The following PTPRD variants were observed in gnomAD, a reference collection of about 807,000 sequenced individuals.
PTPRD encodes the protein receptor-type tyrosine-protein phosphatase delta.
PTPRD carries 34 observed loss-of-function variants against 214.5 expected under a neutral mutation model. That is an observed-to-expected ratio of 0.16 (90% CI 0.12 to 0.21). PTPRD has a LOEUF of 0.21. Ranked by LOEUF, PTPRD falls within the 10% of genes least tolerant of loss-of-function variation. The pLI is 1.00. For missense variants in PTPRD, 2,545 were observed against 2,398.7 expected (o/e 1.06, Z -1.27); for synonymous variants, 1,128 against 845.7 (o/e 1.33, Z -5.79).
intron 14 of PTPRD, among the ~76,000 whole-genome samples, chr9:8,566,677 A>G (rs2089354307): frequency 6.6e-6 from 1 of 152,212 alleles, no homozygotes; most frequent in Non-Finnish European, 1.5e-5. Flanking sequence ...TGAGACTGAA[A>G]TACGTTAGAC....
intron 2 of PTPRD, among the ~76,000 whole-genome samples, chr9:10,462,473 C>T (rs1588711769): frequency 2.0e-5 from 3 of 152,074 alleles, no homozygotes; most frequent in Admixed American, 2.0e-4. Flanking sequence ...AGAAGCAGTA[C>T]CGGATTTAGC....
At chr9:9,750,334 A>G (rs1392854570) in intron 6 of PTPRD, among the ~76,000 whole-genome samples, 2 of 152,202 alleles carry the variant, frequency 1.3e-5, no homozygotes, top group Admixed American at 1.3e-4. Flanking sequence ...CCAAAAAAAA[A>G]GAGCTGGAAA....
At position 8,521,308 on chromosome 9, in the gene PTPRD, G is replaced by T. The variant is rs759230179; in HGVS notation, c.930C>A (p.Val310=). The change falls in exon 20 of 46, where the codon GTC becomes GTA. Residue 310 remains valine (V), a synonymous_variant. Coordinates refer to ENST00000381196, the MANE Select transcript of PTPRD (RefSeq NM_002839.4). ...YTCVAMSTLG[V]IEAIAQITVK... The stretch of plus-strand genomic sequence containing the variant: ...CAGTGATCTGTGCTATTGCTTCAAT[G>T]ACACCCAGTGTTGACATAGCAACAC... The T allele has an allele frequency of 6.2e-7, 1 of 1,613,780 alleles. No individual in the cohort carries two copies. Among genetic ancestry groups the T allele is most frequent in the Non-Finnish European group, 8.5e-7 (1 of 1,179,822 alleles).
chr9:9,758,643 C>T (rs1380561634), intron 6 of PTPRD, among the ~76,000 whole-genome samples: 1 of 151,858 alleles, frequency 6.6e-6, no homozygotes, highest in Non-Finnish European at 1.5e-5. Flanking sequence ...TCCCTCCTTC[C>T]TCCCTTGCCC....
At chr9:10,555,191 G>C (rs1034107690) in intron 2 of PTPRD, among the ~76,000 whole-genome samples, 1 of 152,088 alleles carries the variant, frequency 6.6e-6, no homozygotes, top group East Asian at 1.9e-4. Context: ...AAAATGACCT[G>C]ATTCCAAATC....
chr9:8,405,411 A>T (rs184577189), intron 35 of PTPRD, among the ~76,000 whole-genome samples: 153 of 150,806 alleles, frequency 1.0e-3, no homozygotes, highest in East Asian at 6.0e-3. Flanking sequence ...TTCTGATTTT[A>T]TCCCTTTCTT....
intron 2 of PTPRD, among the ~76,000 whole-genome samples, chr9:10,378,216 C>G (rs1176936156): frequency 6.6e-6 from 1 of 151,940 alleles, no homozygotes; most frequent in African/African-American, 2.4e-5. Flanking sequence ...GGTTATTTAT[C>G]TCTTGTCTGA....
chr9:9,375,463 G>T (rs1047700230), intron 9 of PTPRD, among the ~76,000 whole-genome samples: 4 of 152,100 alleles, frequency 2.6e-5, no homozygotes, highest in Non-Finnish European at 5.9e-5. Context: ...AGGCATGGTG[G>T]CATGTGCCTG....
chr9:9,411,990 G>A (rs2075587715), intron 8 of PTPRD, among the ~76,000 whole-genome samples: 1 of 152,138 alleles, frequency 6.6e-6, no homozygotes, highest in South Asian at 2.1e-4. Flanking sequence ...GGATGCCAGG[G>A]CCACATAGTG....
chr9:9,381,704 TTTTG>T (rs1355974338), intron 9 of PTPRD, among the ~76,000 whole-genome samples: 17 of 139,408 alleles, frequency 1.2e-4, no homozygotes, highest in African/African-American at 1.9e-4. Flanking sequence ...GTTTTTTGTT[TTTTG>T]TTTTTGTTTT....
At chr9:8,562,948 T>C (rs2087040820) in intron 14 of PTPRD, among the ~76,000 whole-genome samples, 1 of 151,960 alleles carries the variant, frequency 6.6e-6, no homozygotes, top group African/African-American at 2.4e-5. Context: ...AAACTTAGTG[T>C]TTTTTGCATA....
chr9:8,734,299 CA>C (rs1484186221), intron 11 of PTPRD, among the ~76,000 whole-genome samples: 2 of 152,176 alleles, frequency 1.3e-5, no homozygotes, highest in African/African-American at 4.8e-5. Context: ...GTAAATACAT[CA>C]GTGCAAAGAA....
intron 8 of PTPRD, among the ~76,000 whole-genome samples, chr9:9,419,265 G>C (rs1283213036): frequency 1.9e-5 from 1 of 52,212 alleles, no homozygotes; most frequent in Admixed American, 1.9e-4. Flanking sequence ...TTGTAAGAAA[G>C]AATAATATAT....
intron 3 of PTPRD, among the ~76,000 whole-genome samples, chr9:10,148,392 C>T (rs544273753): frequency 6.6e-6 from 1 of 152,200 alleles, no homozygotes; most frequent in African/African-American, 2.4e-5. Flanking sequence ...GACACAGTTC[C>T]TTTCTTCAAA....
intron 10 of PTPRD, among the ~76,000 whole-genome samples, chr9:9,165,037 G>C (rs971001812): frequency 1.1e-4 from 15 of 131,406 alleles, no homozygotes; most frequent in Middle Eastern, 5.3e-3. Flanking sequence ...GGGTGACAGA[G>C]CAAGACTCCA....
At chr9:9,124,677 C>T (rs2099824156) in intron 10 of PTPRD, among the ~76,000 whole-genome samples, 1 of 152,110 alleles carries the variant, frequency 6.6e-6, no homozygotes, top group African/African-American at 2.4e-5. Context: ...CTATTTCAAG[C>T]CTCATTTCTT....
chr9:8,656,449 T>A (rs949488924), intron 12 of PTPRD, among the ~76,000 whole-genome samples: 1 of 152,192 alleles, frequency 6.6e-6, no homozygotes, highest in Non-Finnish European at 1.5e-5. Flanking sequence ...TGTATCACTG[T>A]TTGGCCTCTC....
intron 33 of PTPRD, among the ~76,000 whole-genome samples, chr9:8,452,836 G>A (rs1321614388): frequency 3.9e-5 from 6 of 151,968 alleles, no homozygotes; most frequent in Admixed American, 6.6e-5. Flanking sequence ...CATCTGGGGG[G>A]AAGAAAAAAA....
chr9:10,599,645 T>A (rs1411267488), intron 2 of PTPRD, among the ~76,000 whole-genome samples: 1 of 151,948 alleles, frequency 6.6e-6, no homozygotes. Context: ...AGTTTGGTCA[T>A]GAAAATTTCC....
Sources: gnomAD v4.1 joint callset for allele counts (sites outside exome capture counted in the v4.1 genomes callset) on GRCh38, gnomAD v4.1.1 for gene constraint, MANE v1.5 for transcripts, NCBI Gene and HGNC (gene_info 2026-07-23, HGNC 2026-07-21) for gene names.